SCFD2: variants seen among roughly 807,000 people sequenced by gnomAD.
SCFD2 encodes sec1 family domain containing 2, also known as sec1 family domain-containing protein 2.
Under a neutral mutation model 58.9 loss-of-function variants are expected in SCFD2, and 54 were observed. The ratio of observed to expected loss-of-function variants is 0.92; its 90% confidence interval spans 0.74 to 1.15. SCFD2 has a LOEUF of 1.15. SCFD2 is among the 50% of genes most tolerant of loss of function. The pLI is 0.00. For missense variants in SCFD2, 805 were observed against 836.6 expected, an observed-to-expected ratio of 0.96 and a Z score of 0.47; for synonymous variants, 321 against 335.9, an observed-to-expected ratio of 0.96 and a Z score of 0.49.
Position 53,365,179 on chromosome 4 carries a change from G to A in SCFD2, c.763C>T (p.Pro255Ser). 6.2e-7 allele frequency: 1 copy of A among 1,614,138 alleles called. No individual in the cohort carries two copies. Among genetic ancestry groups the A allele is most frequent in the Non-Finnish European group, 8.5e-7 (1 of 1,180,036 alleles). Reference protein sequence around the residue: ...VIAADLANYAPAKNRKKTAAG... With the variant: ...VIAADLANYASAKNRKKTAAG... ...GCAGTCTTCTTCCTGTTCTTTGCAG[G>A]GGCATAATTGGCCAGATCCGCAGCG... Residue 255 changes from proline (P) to serine (S), a missense_variant, in exon 1 of 9, where the codon CCT (proline) becomes TCT (serine). By Grantham distance (74) the Pro-to-Ser change is moderately conservative. Transcript: ENST00000401642. This position sits in a 1 kb window ranked among gnomAD's most constrained non-coding sequence, Gnocchi z 4.3.
chr4:53,164,651 G>A (rs1257789524), intron 4 of SCFD2, among the ~76,000 whole-genome samples: 1 of 151,976 alleles, frequency 6.6e-6, no homozygotes. Flanking sequence ...AAAATTAGCC[G>A]GGTGTGGTGG....
chr4:53,248,673 C>G (rs2149034963), intron 4 of SCFD2, among the ~76,000 whole-genome samples: 1 of 152,316 alleles, frequency 6.6e-6, no homozygotes, highest in South Asian at 2.1e-4. Flanking sequence ...ACTGACACCT[C>G]ACACAGCCGG....
At chr4:52,897,059 G>T (rs1719035524) in intron 7 of SCFD2, among the ~76,000 whole-genome samples, 1 of 152,212 alleles carries the variant, frequency 6.6e-6, no homozygotes, top group Non-Finnish European at 1.5e-5. Context: ...ATTTTGGGCT[G>T]AGACGATGGG....
intron 5 of SCFD2, among the ~76,000 whole-genome samples, chr4:53,044,882 C>T (rs531054069): frequency 1.1e-5 from 1 of 91,656 alleles, no homozygotes; most frequent in South Asian, 4.7e-4. Context: ...TAACTCCCCA[C>T]CCCAATTCCC....
chr4:53,021,848 G>C (rs1722356830), intron 5 of SCFD2, among the ~76,000 whole-genome samples: 1 of 152,152 alleles, frequency 6.6e-6, no homozygotes, highest in Non-Finnish European at 1.5e-5. Context: ...TTCTTCTGTA[G>C]CATCCCTAAC....
intron 6 of SCFD2, among the ~76,000 whole-genome samples, chr4:52,915,152 C>A (rs904781195): frequency 1.3e-5 from 2 of 152,144 alleles, no homozygotes; most frequent in Non-Finnish European, 2.9e-5. Flanking sequence ...TCTTGAGAAA[C>A]CAGTGTAACT....
chr4:53,161,100 A>T (rs890454408), intron 4 of SCFD2, among the ~76,000 whole-genome samples: 3 of 152,196 alleles, frequency 2.0e-5, no homozygotes, highest in African/African-American at 7.2e-5. Context: ...TAAAATACAA[A>T]AGCCAAGGGA....
intron 5 of SCFD2, among the ~76,000 whole-genome samples, chr4:53,081,471 C>G (rs781342736): frequency 2.2e-4 from 34 of 152,128 alleles, no homozygotes; most frequent in Non-Finnish European, 4.1e-4. Flanking sequence ...CAATGTTTAG[C>G]TCCCACTTAT....
At chr4:53,288,665 A>G (rs1731744919) in intron 3 of SCFD2, among the ~76,000 whole-genome samples, 1 of 152,244 alleles carries the variant, frequency 6.6e-6, no homozygotes, top group South Asian at 2.1e-4. Flanking sequence ...GCTTTCCTTC[A>G]GGAATGAAGG....
intron 2 of SCFD2, among the ~76,000 whole-genome samples, chr4:53,329,383 C>T (rs1319468018): frequency 1.3e-4 from 20 of 151,922 alleles, no homozygotes; most frequent in Admixed American, 5.2e-4. Context: ...TCTCCCAGCA[C>T]GCAGCTGGAG....
In SCFD2 at chr4:53,178,976, G is replaced by C. The variant is rs931641832; in HGVS notation, c.1312-33394C>G. Reference sequence around the variant, plus strand: ...AAAAGAATAAAAAGAAAGGAACAAAGCCTCTAAGAAACATGGGACTCTGTG... The same window carrying C: ...AAAAGAATAAAAAGAAAGGAACAAACCCTCTAAGAAACATGGGACTCTGTG... On this transcript the variant is annotated intron_variant, in intron 4 of 8. Transcript: ENST00000401642. Among the ~76,000 whole-genome samples the C allele has an allele frequency of 5.9e-5, 9 of 152,266 alleles. No homozygotes were observed. The East Asian group carries it at 1.7e-3, about 29-fold the overall frequency.
intron 5 of SCFD2, among the ~76,000 whole-genome samples, chr4:53,008,916 T>C (rs558305791): frequency 4.6e-5 from 7 of 152,290 alleles, no homozygotes; most frequent in African/African-American, 1.4e-4. Flanking sequence ...TTCTTCTATG[T>C]ACTTTTCTCT....
intron 4 of SCFD2, among the ~76,000 whole-genome samples, chr4:53,197,764 A>G (rs1345417759): frequency 2.0e-5 from 3 of 151,494 alleles, no homozygotes; most frequent in Admixed American, 6.6e-5. Context: ...AAAAAAAAAA[A>G]AAAGAAATGA....
chr4:53,136,432 C>T (rs1429592941), intron 5 of SCFD2, among the ~76,000 whole-genome samples: 1 of 152,118 alleles, frequency 6.6e-6, no homozygotes, highest in African/African-American at 2.4e-5. Context: ...ACTCCTTTTA[C>T]CTACCATAAA....
chr4:52,989,851 A>G (rs1721579580), intron 5 of SCFD2, among the ~76,000 whole-genome samples: 1 of 151,920 alleles, frequency 6.6e-6, no homozygotes, highest in African/African-American at 2.4e-5. Context: ...CTCTGCTTAC[A>G]TGTTTCTAGT....
intron 4 of SCFD2, among the ~76,000 whole-genome samples, chr4:53,166,449 G>A (rs1477152294): frequency 2.0e-5 from 3 of 152,022 alleles, no homozygotes; most frequent in Non-Finnish European, 4.4e-5. Flanking sequence ...GGAAATGGCT[G>A]GTATACCTTC....
At chr4:53,352,788 T>C (rs191977164) in intron 1 of SCFD2, 22 bp from the exon 2 acceptor site, 48 of 1,591,670 alleles carry the variant, frequency 3.0e-5, no homozygotes, top group Non-Finnish European at 4.0e-5. Context: ...GACAAGATGA[T>C]GTAAATTCAT....
intron 5 of SCFD2, among the ~76,000 whole-genome samples, chr4:52,929,739 C>T (rs1719945501): frequency 1.3e-5 from 2 of 152,266 alleles, no homozygotes; most frequent in East Asian, 1.9e-4. Flanking sequence ...TGATCCTGAA[C>T]ATCTGTACTG....
chr4:53,346,597 A>G (rs1025786995), intron 2 of SCFD2, among the ~76,000 whole-genome samples: 1 of 152,116 alleles, frequency 6.6e-6, no homozygotes, highest in Admixed American at 6.6e-5. Context: ...TAATGTTACA[A>G]CTTACTCAAT....
Sources: gnomAD v4.1 joint callset for allele counts (sites outside exome capture counted in the v4.1 genomes callset) on GRCh38, gnomAD v4.1.1 for gene constraint, Gnocchi (gnomAD v3.1) non-coding constraint, MANE v1.5 for transcripts, NCBI Gene and HGNC (gene_info 2026-07-23, HGNC 2026-07-21) for gene names.